The following RORB variants were observed in gnomAD, a reference collection of about 807,000 sequenced individuals.
RORB encodes the protein nuclear receptor ROR-beta.
A neutral mutation model predicts 59.1 loss-of-function variants in RORB; 6 were observed. That is an observed-to-expected ratio of 0.10 (90% confidence interval 0.06 to 0.20). RORB has a LOEUF of 0.20. RORB is among the 10% of genes least tolerant of loss of function. The probability of loss-of-function intolerance (pLI) is 1.00; values close to 1 mark genes in which losing one functional copy is unlikely to be tolerated. For synonymous variants in RORB, 215 were observed against 204.5 expected, an observed-to-expected ratio of 1.05 and a Z score of -0.44; for missense variants, 320 against 560.5, an observed-to-expected ratio of 0.57 and a Z score of 4.33.
At chr9:74,536,227 G>A (rs546979947) in intron 1 of RORB, among the ~76,000 whole-genome samples, 2 of 151,908 alleles carry the variant, frequency 1.3e-5, no homozygotes, top group South Asian at 4.2e-4. Flanking sequence ...TATACTTACT[G>A]TGCTAAAAAA....
chr9:74,568,965 CTCT>C (rs1336846048), intron 1 of RORB, among the ~76,000 whole-genome samples: 2 of 151,874 alleles, frequency 1.3e-5, no homozygotes, highest in African/African-American at 2.4e-5. Flanking sequence ...ATTAGAAGAA[CTCT>C]TCTTCTAAGA....
intron 1 of RORB, among the ~76,000 whole-genome samples, chr9:74,593,921 A>T (rs1822936655): frequency 6.6e-6 from 1 of 152,230 alleles, no homozygotes; most frequent in Non-Finnish European, 1.5e-5. Context: ...TGGGTTCTGA[A>T]AAGGGAGCTG....
At chr9:74,575,824 A>G (rs1007470026) in intron 1 of RORB, among the ~76,000 whole-genome samples, 1 of 152,142 alleles carries the variant, frequency 6.6e-6, no homozygotes, top group Non-Finnish European at 1.5e-5. Flanking sequence ...CCCACAGAGT[A>G]GGAAGGACAA....
intron 1 of RORB, among the ~76,000 whole-genome samples, chr9:74,545,621 G>T (rs1213217083): frequency 6.6e-6 from 1 of 152,180 alleles, no homozygotes; most frequent in Non-Finnish European, 1.5e-5. Flanking sequence ...AGATGAGAAG[G>T]TTGGAGAGAG....
intron 1 of RORB, among the ~76,000 whole-genome samples, chr9:74,585,914 C>T (rs1822791492): frequency 6.6e-6 from 1 of 151,938 alleles, no homozygotes. Context: ...CCTGCCTCAG[C>T]CTCCCGAGTA....
intron 1 of RORB, among the ~76,000 whole-genome samples, chr9:74,590,265 T>G (rs1822867614): frequency 6.6e-6 from 1 of 152,176 alleles, no homozygotes; most frequent in Admixed American, 6.5e-5. Flanking sequence ...CTATTCTCAG[T>G]GCCTAGGTTT....
At chr9:74,503,000 A>G (rs1351347067) in intron 1 of RORB, among the ~76,000 whole-genome samples, 1 of 152,122 alleles carries the variant, frequency 6.6e-6, no homozygotes, top group Non-Finnish European at 1.5e-5. Context: ...AACATTAACA[A>G]AACATTTATT....
chr9:74,608,293 C>T (rs527412569), intron 1 of RORB, among the ~76,000 whole-genome samples: 55 of 152,088 alleles, frequency 3.6e-4, no homozygotes, highest in Middle Eastern at 6.8e-3. Context: ...GGGCCGGGAG[C>T]GGTGGCTCAC....
At chr9:74,563,771 C>G (rs746667220) in intron 1 of RORB, among the ~76,000 whole-genome samples, 6 of 152,174 alleles carry the variant, frequency 3.9e-5, no homozygotes, top group Non-Finnish European at 7.3e-5. Flanking sequence ...CTATTTCCAG[C>G]TAGAACCTTG....
chr9:74,519,659 G>C (rs1292250408), intron 1 of RORB, among the ~76,000 whole-genome samples: 1 of 151,926 alleles, frequency 6.6e-6, no homozygotes, highest in Non-Finnish European at 1.5e-5. Flanking sequence ...CAAACAATGC[G>C]CTGCCCAAAT....
chr9:74,548,114 C>T (rs1273806553), intron 1 of RORB, among the ~76,000 whole-genome samples: 1 of 152,090 alleles, frequency 6.6e-6, no homozygotes, highest in African/African-American at 2.4e-5. Flanking sequence ...AATGACTCCC[C>T]ATGTTTTTTA....
At chr9:74,505,082 T>C (rs1444647555) in intron 1 of RORB, among the ~76,000 whole-genome samples, 2 of 152,258 alleles carry the variant, frequency 1.3e-5, no homozygotes, top group East Asian at 3.9e-4. Flanking sequence ...AGCAAGAGCT[T>C]TTTAAAAAGG....
rs1823106511 is a variant in RORB, at chr9:74,603,852, T to C, written c.8-26430T>C. 5.3e-5 allele frequency among the ~76,000 whole-genome samples: 8 copies of C among 152,330 alleles called. 1 individual carries two copies. The South Asian group carries it at 1.7e-3, about 32-fold the overall frequency. On this transcript the variant is annotated intron_variant, in intron 1 of 9. Coordinates refer to ENST00000376896, the MANE Select transcript of RORB (RefSeq NM_006914.4). ...GAGCTGGAAATCCACTAGAAAGTGA[T>C]AATGGGTGGGCTAAGCGGACTGTGA... is the stretch of plus-strand genomic sequence containing the variant.
At chr9:74,549,643 A>G (rs747024078) in intron 1 of RORB, among the ~76,000 whole-genome samples, 47 of 150,648 alleles carry the variant, frequency 3.1e-4, no homozygotes, top group Non-Finnish European at 6.2e-4. Context: ...GAAAGAAAGA[A>G]AGAAAGAGAG....
At chr9:74,607,822 A>G (rs1004780403) in intron 1 of RORB, among the ~76,000 whole-genome samples, 10 of 152,162 alleles carry the variant, frequency 6.6e-5, no homozygotes, top group African/African-American at 2.2e-4. Flanking sequence ...ATGACAAACT[A>G]ATCTCATAGC....
chr9:74,677,509 C>A (rs1348959177), intron 9 of RORB, among the ~76,000 whole-genome samples: 1 of 152,144 alleles, frequency 6.6e-6, no homozygotes, highest in Non-Finnish European at 1.5e-5. Context: ...TTTCTTTTAA[C>A]TGTGTGTAAT....
chr9:74,654,532 C>G lies in RORB; in HGVS notation c.638-6085C>G, dbSNP rs545823554. Among the ~76,000 whole-genome samples the G allele has an allele frequency of 3.3e-5, 5 of 152,282 alleles. No homozygotes were observed. In the East Asian group the frequency reaches 7.7e-4, roughly 23 times the overall value. On this transcript the variant is annotated intron_variant, in intron 4 of 9. Coordinates refer to ENST00000376896, the MANE Select transcript of RORB (RefSeq NM_006914.4). ...TTTTCCCTTCAAAAATTTAATTTCT[C>G]TCTTCTTATTGCACACATCAAAAGT... is the stretch of plus-strand genomic sequence containing the variant.
rs111352979 is a variant in RORB at position 74,630,340 on chromosome 9, C to T, written c.66C>T (p.Tyr22=). The T allele has an allele frequency of 7.4e-6, 12 of 1,613,120 alleles. No individual in the cohort carries two copies. The highest frequency in any genetic ancestry group is 1.7e-5 in the Admixed American group (1 of 59,944). Residue 22 remains tyrosine, a synonymous_variant, in exon 2 of 10, where the codon TAC becomes TAT. Coordinates refer to ENST00000376896, the MANE Select transcript of RORB (RefSeq NM_006914.4). The part of the protein sequence containing the change: ...ICGDKSSGIH[Y]GVITCEGCKG... ...GCGATAAGTCCTCTGGGATCCACTA[C>T]GGAGTCATCACATGTGAAGGCTGCA...
intron 1 of RORB, among the ~76,000 whole-genome samples, chr9:74,573,185 G>T (rs747126685): frequency 7.2e-5 from 11 of 152,020 alleles, no homozygotes; most frequent in Non-Finnish European, 1.5e-4. Flanking sequence ...TTTGAACAAA[G>T]TATGTGGTGC....
Sources: gnomAD v4.1 joint callset for allele counts (sites outside exome capture counted in the v4.1 genomes callset) on GRCh38, gnomAD v4.1.1 for gene constraint, MANE v1.5 for transcripts, NCBI Gene and HGNC (gene_info 2026-07-23, HGNC 2026-07-21) for gene names.